The following PRKCH variants were observed in gnomAD, a reference collection of about 807,000 sequenced individuals.
PRKCH encodes the protein protein kinase C eta.
Under a neutral mutation model 82.5 loss-of-function variants are expected in PRKCH, and 28 were observed. The observed-to-expected ratio is 0.34, with a 90% CI of 0.25 to 0.47. The LOEUF (loss-of-function observed/expected upper bound fraction) is 0.47. PRKCH is among the 20% of genes least tolerant of loss of function. The probability of loss-of-function intolerance (pLI) is 1.00; values close to 1 mark genes in which losing one functional copy is unlikely to be tolerated. For missense variants in PRKCH, 705 were observed against 881.8 expected (o/e 0.80, Z 2.54); for synonymous variants, 322 against 327.4 (o/e 0.98, Z 0.18).
chr14:61,370,458 G>A (rs940320681), intron 1 of PRKCH, among the ~76,000 whole-genome samples: 2 of 152,012 alleles, frequency 1.3e-5, no homozygotes, highest in African/African-American at 4.8e-5. Flanking sequence ...AGTGTATCAG[G>A]AAATTCTGAC....
intron 1 of PRKCH, among the ~76,000 whole-genome samples, chr14:61,194,920 G>C (rs2044430617): frequency 1.3e-5 from 2 of 152,114 alleles, no homozygotes; most frequent in African/African-American, 4.8e-5. Flanking sequence ...TTCTAGTCGA[G>C]ACAGGGTTTC....
At chr14:61,499,950 C>G (rs544759789) in intron 10 of PRKCH, among the ~76,000 whole-genome samples, 14 of 151,388 alleles carry the variant, frequency 9.2e-5, no homozygotes, top group Admixed American at 7.2e-4. Context: ...CAGTCTGGGT[C>G]TCCCAATCTA....
rs2044544005 is a variant in PRKCH at position 61,208,401 on chromosome 14, A to G, written c.-19+20733A>G. Reference sequence around the variant, plus strand: ...AGTCAGTTCTCAGTGACTTTGTAATAATTGTTTAATTTTGAAAGTGTGCTT... The same window carrying G: ...AGTCAGTTCTCAGTGACTTTGTAATGATTGTTTAATTTTGAAAGTGTGCTT... On this transcript the variant is annotated intron_variant, in intron 1 of 3. Coordinates refer to the PRKCH transcript ENST00000555185. Among the ~76,000 whole-genome samples, 4 of 150,536 alleles carry G rather than the reference A, an allele frequency of 2.7e-5. No homozygotes were observed. The South Asian group carries it at 8.3e-4, about 31-fold the overall frequency.
At chr14:61,446,918 C>A (rs374030283) in intron 4 of PRKCH, among the ~76,000 whole-genome samples, 4 of 152,296 alleles carry the variant, frequency 2.6e-5, no homozygotes, top group African/African-American at 9.6e-5. Context: ...TTCTCTTTGT[C>A]CTATAGTGCC....
At chr14:61,210,786 C>G (rs200097550) in intron 1 of PRKCH, among the ~76,000 whole-genome samples, 4,236 of 103,994 alleles carry the variant, frequency 0.041, 106 homozygotes, top group East Asian at 0.18. Context: ...CTCTCTCTCT[C>G]TCTCTGTGTG....
intron 2 of PRKCH, among the ~76,000 whole-genome samples, chr14:61,413,808 G>C (rs1882412507): frequency 6.6e-6 from 1 of 151,898 alleles, no homozygotes; most frequent in South Asian, 2.1e-4. Context: ...TTCTCTTCCA[G>C]CCGCTACTTA....
At chr14:61,531,894 A>G (rs755645531) in intron 12 of PRKCH, among the ~76,000 whole-genome samples, 1 of 152,224 alleles carries the variant, frequency 6.6e-6, no homozygotes, top group Non-Finnish European at 1.5e-5. Context: ...GTCACAGAGA[A>G]GGGCCTGTCT....
At position 61,529,005 on chromosome 14, in the gene PRKCH, T is replaced by TGTGTGTGTGTGTGTGTGTGC. The variant is rs1491304992; in HGVS notation, c.1434-69_1434-68insTGTGTGTGTGTGTGTGTGCG. 2.8e-3 allele frequency: 4,053 copies of TGTGTGTGTGTGTGTGTGTGC among 1,460,170 alleles called. 244 individuals carry two copies. In the African/African-American group the frequency reaches 0.058, roughly 21 times the overall value. The allele number at this position is 1,460,170 out of a possible 1,614,324, so 90.5% of individuals were successfully genotyped here. A position where few individuals can be genotyped will look rare whatever the true frequency, so the allele number is the denominator to read the frequency against. On this transcript the variant is annotated intron_variant, in intron 10 of 13. Transcript: ENST00000332981. Reference sequence around the variant, plus strand: ...GTGTGTGTGTGTGTGTGTGTGTGTGTGCCCATTCTGAGAGGTGGATGGTTT... The same window carrying TGTGTGTGTGTGTGTGTGTGC: ...GTGTGTGTGTGTGTGTGTGTGTGTGTGTGTGTGTGTGTGTGTGTGCGCCCATTCTGAGAGGTGGATGGTTT...
intron 1 of PRKCH, among the ~76,000 whole-genome samples, chr14:61,188,175 G>T (rs183894407): frequency 7.4e-4 from 112 of 152,336 alleles, no homozygotes; most frequent in African/African-American, 2.5e-3. Context: ...GCCCTCCATT[G>T]GATGTGCCCC....
At chr14:61,436,980 T>G (rs1883709391) in intron 2 of PRKCH, among the ~76,000 whole-genome samples, 1 of 152,260 alleles carries the variant, frequency 6.6e-6, no homozygotes, top group Admixed American at 6.5e-5. Context: ...CTTCCTTAAT[T>G]AGTTACAGGA....
chr14:61,296,892 T>C (rs908600868), intron 1 of PRKCH, among the ~76,000 whole-genome samples: 2 of 152,244 alleles, frequency 1.3e-5, no homozygotes, highest in Admixed American at 1.3e-4. Context: ...TGAATTATTT[T>C]AATTTAACAT....
intron 1 of PRKCH, among the ~76,000 whole-genome samples, chr14:61,192,146 G>A (rs1214663177): frequency 3.9e-5 from 6 of 152,062 alleles, no homozygotes; most frequent in Admixed American, 1.3e-4. Flanking sequence ...AGCAGTAGAT[G>A]ATACAGGTAC....
At position 61,210,154 on chromosome 14, in the gene PRKCH, AT is replaced by A. The variant is rs1566781724; in HGVS notation, c.-19+22487del. ...TATATATATATATATATATATATAT[AT>A]ATATATAAATTAGCTTGGCATAGTG... On this transcript the variant is annotated intron_variant, in intron 1 of 3. Coordinates refer to the PRKCH transcript ENST00000555185. Among the ~76,000 whole-genome samples, 508 of 97,424 alleles carry A rather than the reference AT, an allele frequency of 5.2e-3. 12 individuals carry two copies. The highest frequency in any genetic ancestry group is 0.012 in the African/African-American group (295 of 24,420). 63.9% of individuals were successfully genotyped at this position (97,424 alleles called of 152,430 possible).
intron 1 of PRKCH, among the ~76,000 whole-genome samples, chr14:61,262,581 A>G (rs1047765121): frequency 6.6e-6 from 1 of 152,198 alleles, no homozygotes; most frequent in Admixed American, 6.5e-5. Context: ...TTTTGGGATG[A>G]TGGGAATAGT....
intron 7 of PRKCH, 126 bp from the exon 8 acceptor site, chr14:61,457,050 T>A (rs1303770557): frequency 2.0e-6 from 2 of 1,001,756 alleles, no homozygotes; most frequent in African/African-American, 3.3e-5. Flanking sequence ...TCTGTCAAAC[T>A]GAGTTGATCT....
chr14:61,320,462 G>A (rs2045600742), upstream of PRKCH, among the ~76,000 whole-genome samples: 1 of 152,180 alleles, frequency 6.6e-6, no homozygotes, highest in African/African-American at 2.4e-5. Flanking sequence ...AGCCGGGCGT[G>A]GTGGCGCATG....
At chr14:61,417,765 AGG>A (rs1273040182) in intron 2 of PRKCH, among the ~76,000 whole-genome samples, 1 of 152,164 alleles carries the variant, frequency 6.6e-6, no homozygotes, top group Admixed American at 6.5e-5. Context: ...AGAAAGAAAG[AGG>A]AGCCTGTAGT....
At chr14:61,395,913 C>T (rs1286548116) in intron 2 of PRKCH, among the ~76,000 whole-genome samples, 1 of 151,832 alleles carries the variant, frequency 6.6e-6, no homozygotes, top group Non-Finnish European at 1.5e-5. Flanking sequence ...AACACCATCT[C>T]TACAAAAAAT....
At chr14:61,431,260 T>C (rs2140260008) in intron 2 of PRKCH, among the ~76,000 whole-genome samples, 1 of 152,308 alleles carries the variant, frequency 6.6e-6, no homozygotes, top group East Asian at 1.9e-4. Flanking sequence ...GGCAGGCCAC[T>C]GCACATGCGG....
Sources: gnomAD v4.1 joint callset for allele counts (sites outside exome capture counted in the v4.1 genomes callset) on GRCh38, gnomAD v4.1.1 for gene constraint, MANE v1.5 for transcripts, NCBI Gene and HGNC (gene_info 2026-07-23, HGNC 2026-07-21) for gene names.